LIMD1: variants seen among roughly 807,000 people sequenced by gnomAD.
LIMD1 encodes LIM domain containing 1.
In LIMD1, 23 loss-of-function variants were observed where a neutral mutation model predicts 58.4. That is an observed-to-expected ratio of 0.39 (90% CI 0.28 to 0.56). LIMD1 has a LOEUF of 0.56. Ranked by LOEUF, LIMD1 falls within the 20% of genes least tolerant of loss-of-function variation. The pLI, the probability that LIMD1 is intolerant of heterozygous loss-of-function variation, is 0.57. For missense variants in LIMD1, 838 were observed against 855.5 expected (o/e 0.98, Z 0.25); for synonymous variants, 334 against 345.5 (o/e 0.97, Z 0.37).
At chr3:45,656,521 C>T (rs1335928101) in intron 2 of LIMD1, among the ~76,000 whole-genome samples, 5 of 148,178 alleles carry the variant, frequency 3.4e-5, no homozygotes, top group Non-Finnish European at 7.5e-5. Flanking sequence ...TTTTCTTTTT[C>T]TTTCTTTTTT....
chr3:45,604,757 C>G (rs1701450965), intron 1 of LIMD1, among the ~76,000 whole-genome samples: 1 of 152,170 alleles, frequency 6.6e-6, no homozygotes, highest in Admixed American at 6.5e-5. Context: ...AGCTGTAGCC[C>G]TGGCGCGTCC....
rs1697692313 is a variant in LIMD1 at position 45,677,876 on chromosome 3, G to C, written c.*817G>C. On this transcript the variant is annotated 3_prime_UTR_variant, in exon 8 of 8. Coordinates refer to ENST00000273317, the MANE Select transcript of LIMD1 (RefSeq NM_014240.3). The stretch of plus-strand genomic sequence containing the variant: ...CGCTGTTTTTCTCTGGAGTTCTCAA[G>C]AGTTGGTGACTTGGAAGGCCGCTTC... 1 of 152,112 alleles carries C rather than the reference G, an allele frequency of 6.6e-6. No homozygotes were observed. Among genetic ancestry groups the C allele is most frequent in the Non-Finnish European group, 1.5e-5 (1 of 68,018 alleles). The allele number at this position is 152,112 out of a possible 1,614,324, so 9.4% of individuals were successfully genotyped here.
chr3:45,627,509 G>A (rs892984800), intron 1 of LIMD1, among the ~76,000 whole-genome samples: 1 of 152,132 alleles, frequency 6.6e-6, no homozygotes, highest in Non-Finnish European at 1.5e-5. Context: ...GCCCATTCTA[G>A]GCTAGATGTG....
At chr3:45,610,971 A>G (rs573145102) in intron 1 of LIMD1, among the ~76,000 whole-genome samples, 51 of 152,288 alleles carry the variant, frequency 3.3e-4, no homozygotes, top group African/African-American at 1.2e-3. Flanking sequence ...AGTTTCACCT[A>G]TTTTTACTTC....
chr3:45,594,807 A>ACACACACACACACACAC lies in LIMD1; in HGVS notation c.-72_-56dup, dbSNP rs1559510646. The ACACACACACACACACAC allele has an allele frequency of 8.0e-6, 5 of 623,052 alleles. No homozygotes were observed. The highest frequency in any genetic ancestry group is 1.3e-5 in the Non-Finnish European group (5 of 377,356). 38.6% of individuals were successfully genotyped at this position (623,052 alleles called of 1,614,324 possible). On this transcript the variant is annotated 5_prime_UTR_variant, in exon 1 of 8. Coordinates refer to ENST00000273317, the MANE Select transcript of LIMD1 (RefSeq NM_014240.3). ...CACACACACACACACACACACACAC[A>ACACACACACACACACAC]CACACACACACACACACACACACAC...
intron 1 of LIMD1, among the ~76,000 whole-genome samples, chr3:45,602,446 G>A (rs549534207): frequency 6.6e-6 from 1 of 152,198 alleles, no homozygotes; most frequent in Non-Finnish European, 1.5e-5. Context: ...GGATGGACAG[G>A]CCTGCTCCTC....
chr3:45,632,601 T>C, intron 1 of LIMD1: 2 of 953,474 alleles, frequency 2.1e-6, no homozygotes, highest in Non-Finnish European at 2.5e-6. Flanking sequence ...CTATGTGGAA[T>C]GTGATTCAAC....
At chr3:45,659,484 A>C (rs990578636) in intron 2 of LIMD1, among the ~76,000 whole-genome samples, 2 of 152,128 alleles carry the variant, frequency 1.3e-5, no homozygotes, top group African/African-American at 4.8e-5. Context: ...TCTACTCAGG[A>C]GGCCGAGGTG....
At chr3:45,602,166 T>G (rs1358441622) in intron 1 of LIMD1, among the ~76,000 whole-genome samples, 1 of 152,114 alleles carries the variant, frequency 6.6e-6, no homozygotes, top group Non-Finnish European at 1.5e-5. Context: ...GCCAGGATGG[T>G]CTCGATCTCC....
chr3:45,594,834 C>A lies in LIMD1; in HGVS notation c.-46C>A, dbSNP rs1046997405. 9.3e-7 allele frequency: 1 copy of A among 1,080,360 alleles called. No individual in the cohort carries two copies. 66.9% of individuals were successfully genotyped at this position (1,080,360 alleles called of 1,614,324 possible). On this transcript the variant is annotated 5_prime_UTR_variant, in exon 1 of 8. Coordinates refer to ENST00000273317, the MANE Select transcript of LIMD1 (RefSeq NM_014240.3). ...ACACACACACACACACACACACACA[C>A]ACACACACACGGCACCTGGGCTAGG...
At chr3:45,626,807 G>C (rs1701671197) in intron 1 of LIMD1, among the ~76,000 whole-genome samples, 1 of 151,870 alleles carries the variant, frequency 6.6e-6, no homozygotes, top group African/African-American at 2.4e-5. Flanking sequence ...TGTTGATAGG[G>C]AGGGGGGCTG....
chr3:45,674,376 G>A lies in LIMD1; in HGVS notation c.1858G>A (p.Asp620Asn). The change falls in exon 7 of 8, where the codon GAC becomes AAC. Residue 620 changes from aspartate to asparagine, a missense_variant. Coordinates refer to ENST00000273317, the MANE Select transcript of LIMD1 (RefSeq NM_014240.3). ...TGAGACCATCCGTGTCGTGTCCATGGACAGAGACTACCACGTGGAGTGTTA... is the reference window on the plus strand; with the variant it reads ...TGAGACCATCCGTGTCGTGTCCATGAACAGAGACTACCACGTGGAGTGTTA... ...SDETIRVVSM[D>N]RDYHVECYHC... The A allele has an allele frequency of 1.9e-6, 3 of 1,613,926 alleles. No individual in the cohort carries two copies. Among genetic ancestry groups the A allele is most frequent in the Non-Finnish European group, 2.5e-6 (3 of 1,179,938 alleles).
At chr3:45,648,818 A>G (rs771717734) in intron 2 of LIMD1, among the ~76,000 whole-genome samples, 9 of 152,080 alleles carry the variant, frequency 5.9e-5, no homozygotes, top group Non-Finnish European at 1.2e-4. Context: ...CATTTTCCTG[A>G]TGATTAATGA....
At chr3:45,622,785 C>T (rs1701638720) in intron 1 of LIMD1, among the ~76,000 whole-genome samples, 2 of 152,006 alleles carry the variant, frequency 1.3e-5, no homozygotes, top group South Asian at 4.2e-4. Context: ...TCTCCTGCCT[C>T]AGCCTCCCAA....
At chr3:45,661,729 A>G (rs1658567337) in intron 2 of LIMD1, among the ~76,000 whole-genome samples, 1 of 152,158 alleles carries the variant, frequency 6.6e-6, no homozygotes, top group Non-Finnish European at 1.5e-5. Flanking sequence ...AAGCTTTGCT[A>G]GTCTGATAGG....
At chr3:45,651,249 G>T (rs1384283973) in intron 2 of LIMD1, among the ~76,000 whole-genome samples, 1 of 152,124 alleles carries the variant, frequency 6.6e-6, no homozygotes, top group Non-Finnish European at 1.5e-5. Flanking sequence ...TATCAGATGG[G>T]TAGATTGTAG....
At chr3:45,669,823 G>C (rs1407551910) in intron 4 of LIMD1, among the ~76,000 whole-genome samples, 1 of 152,156 alleles carries the variant, frequency 6.6e-6, no homozygotes, top group African/African-American at 2.4e-5. Context: ...CATGTTGATG[G>C]GGATTTGGTG....
In LIMD1 at chr3:45,596,412, T is replaced by A; in HGVS notation, c.1408+125T>A. The A allele has an allele frequency of 2.1e-5, 16 of 770,530 alleles. No individual in the cohort carries two copies. In the South Asian group the frequency reaches 3.1e-4, roughly 15 times the overall value. 47.7% of individuals were successfully genotyped at this position (770,530 alleles called of 1,614,324 possible). On this transcript the variant is annotated intron_variant, in intron 1 of 7. Coordinates refer to ENST00000273317, the MANE Select transcript of LIMD1 (RefSeq NM_014240.3). ...TCTCTTTGAGTGGCCTGTTTTTTTATTTTTTTGTTTTGGGCTTCCTCTTTC... is the reference window on the plus strand; with the variant it reads ...TCTCTTTGAGTGGCCTGTTTTTTTAATTTTTTGTTTTGGGCTTCCTCTTTC...
intron 1 of LIMD1, among the ~76,000 whole-genome samples, chr3:45,631,820 G>C (rs913861789): frequency 6.6e-6 from 1 of 152,150 alleles, no homozygotes; most frequent in Non-Finnish European, 1.5e-5. Flanking sequence ...GGTAGGAGAG[G>C]GTGCTGGATT....
Sources: allele counts gnomAD v4.1 joint callset (sites outside exome capture counted in the v4.1 genomes callset), GRCh38; gene constraint gnomAD v4.1.1; transcripts MANE v1.5; gene names NCBI Gene and HGNC (gene_info 2026-07-23, HGNC 2026-07-21).